Variants in FAAH2 observed in about 807,000 individuals in gnomAD.
FAAH2 encodes fatty acid amide hydrolase 2, also known as fatty-acid amide hydrolase 2.
FAAH2 carries 60 observed loss-of-function variants against 36.9 expected under a neutral mutation model. The observed-to-expected ratio is 1.63, with a 90% CI of 1.32 to 2.02. The LOEUF is 2.02. Among genes scored for constraint, FAAH2 ranks in the 30% most tolerant of loss-of-function variants. FAAH2 has a pLI of 0.00. For missense variants in FAAH2, 689 were observed against 397.5 expected (o/e 1.73, Z -6.23); for synonymous variants, 214 against 143.8 (o/e 1.49, Z -3.49).
At chrX:57,434,552 G>C (rs753795931) in intron 8 of FAAH2, among the ~76,000 whole-genome samples, 1 of 109,259 alleles carries the variant, frequency 9.2e-6, no homozygotes, top group South Asian at 3.9e-4. Flanking sequence ...GCAGAAGGAA[G>C]ACTCTCGAAA....
At chrX:57,137,023 A>C in the FAAH2 span, 8 of 820,383 alleles carry the variant, frequency 9.8e-6, no homozygotes, top group East Asian at 9.8e-5. Flanking sequence ...CCTGTTACCT[A>C]CCTCCCTTGC....
At chrX:57,307,426 A>T (rs1239367538) in intron 2 of FAAH2, among the ~76,000 whole-genome samples, 1 of 110,943 alleles carries the variant, frequency 9.0e-6, no homozygotes, top group Non-Finnish European at 1.9e-5. Context: ...TAAATAGTGG[A>T]GCTGAGATAC....
At chrX:57,435,762 C>A (rs5914106) in intron 8 of FAAH2, among the ~76,000 whole-genome samples, 1 of 109,586 alleles carries the variant, frequency 9.1e-6, no homozygotes. Flanking sequence ...ACTTCAACTG[C>A]GCACTCACAG....
chrX:57,418,585 A>T (rs748507305), intron 7 of FAAH2, among the ~76,000 whole-genome samples: 3 of 110,731 alleles, frequency 2.7e-5, no homozygotes, highest in African/African-American at 9.9e-5. Flanking sequence ...TCCCAATGAG[A>T]TGAGCCGAGT....
intron 5 of FAAH2, among the ~76,000 whole-genome samples, chrX:57,357,204 AAT>A (rs34325943): frequency 0.54 from 59,496 of 109,985 alleles, 14,267 homozygotes; most frequent in Non-Finnish European, 0.74. Context: ...TAAAGACTTA[AAT>A]GTAAGACCTA....
chrX:57,427,086 A>G (rs1366744278), intron 7 of FAAH2, among the ~76,000 whole-genome samples: 2 of 111,446 alleles, frequency 1.8e-5, no homozygotes, highest in Non-Finnish European at 3.8e-5. Context: ...CAAAAATAAG[A>G]TAACTAGAGA....
At chrX:57,260,056 A>G in the FAAH2 span, among the ~76,000 whole-genome samples, 2 of 111,940 alleles carry the variant, frequency 1.8e-5, no homozygotes, top group Non-Finnish European at 3.8e-5. Context: ...TATGTAGTGT[A>G]ATATAACTTC....
chrX:57,316,324 C>T (rs769651687), intron 3 of FAAH2, among the ~76,000 whole-genome samples: 10 of 111,649 alleles, frequency 9.0e-5, no homozygotes, highest in East Asian at 5.6e-4. Context: ...ACAGATTTAA[C>T]GCTATTCCTA....
At chrX:57,263,327 A>C in the FAAH2 span, among the ~76,000 whole-genome samples, 1 of 111,955 alleles carries the variant, frequency 8.9e-6, no homozygotes, top group African/African-American at 3.2e-5. Flanking sequence ...CATTGAAATT[A>C]AAAGTACAAT....
At chrX:57,294,345 G>A (rs139105315) in intron 2 of FAAH2, among the ~76,000 whole-genome samples, 101 of 111,965 alleles carry the variant, frequency 9.0e-4, no homozygotes, top group African/African-American at 3.1e-3. Context: ...AATTATGCTG[G>A]CTTCTAGCTT....
At chrX:57,451,583 A>T (rs771989031) in intron 10 of FAAH2, among the ~76,000 whole-genome samples, 31 of 111,364 alleles carry the variant, frequency 2.8e-4, no homozygotes, top group African/African-American at 9.1e-4. Flanking sequence ...TAATCAGAGG[A>T]AGGATGTTGA....
the FAAH2 span, among the ~76,000 whole-genome samples, chrX:57,250,503 T>C: frequency 9.0e-6 from 1 of 111,303 alleles, no homozygotes; most frequent in Non-Finnish European, 1.9e-5. Context: ...GACAGTAGAT[T>C]GAAAGTGTTC....
intron 2 of FAAH2, among the ~76,000 whole-genome samples, chrX:57,296,534 A>T (rs1442780551): frequency 2.7e-5 from 3 of 111,844 alleles, no homozygotes; most frequent in Non-Finnish European, 3.8e-5. Context: ...GAAACTCTAA[A>T]AATCAGAGCA....
chrX:57,323,064 A>G (rs930687826), intron 3 of FAAH2, among the ~76,000 whole-genome samples: 3 of 110,494 alleles, frequency 2.7e-5, no homozygotes, highest in African/African-American at 9.9e-5. Flanking sequence ...ATTCCCACCT[A>G]TGAGTAAGAA....
At chrX:57,250,775 C>T in the FAAH2 span, among the ~76,000 whole-genome samples, 2 of 103,502 alleles carry the variant, frequency 1.9e-5, no homozygotes, top group Non-Finnish European at 3.8e-5. Flanking sequence ...AAAAAAAAAA[C>T]TAAGAAACAT....
chrX:57,425,794 G>A (rs943160232), intron 7 of FAAH2, among the ~76,000 whole-genome samples: 1 of 110,860 alleles, frequency 9.0e-6, no homozygotes, highest in Admixed American at 9.6e-5. Flanking sequence ...AAGAATATAC[G>A]AAAAAACTAG....
At chrX:57,450,067 T>A (rs1228655131) in intron 10 of FAAH2, among the ~76,000 whole-genome samples, 1 of 111,578 alleles carries the variant, frequency 9.0e-6, no homozygotes, top group Non-Finnish European at 1.9e-5. Flanking sequence ...AATACTTTAG[T>A]CAATAGGCTA....
chrX:57,391,709 C>G (rs1483608615), intron 7 of FAAH2, among the ~76,000 whole-genome samples: 1 of 111,379 alleles, frequency 9.0e-6, no homozygotes, highest in Non-Finnish European at 1.9e-5. Context: ...CATTACCATA[C>G]AGTCTTTGTT....
chrX:57,435,951 G>T (rs1158105751), intron 8 of FAAH2, among the ~76,000 whole-genome samples: 1 of 110,983 alleles, frequency 9.0e-6, no homozygotes, highest in Non-Finnish European at 1.9e-5. Context: ...ACCTTGTATA[G>T]ACCTTGTATT....
Sources: gnomAD v4.1 joint callset for allele counts (sites outside exome capture counted in the v4.1 genomes callset) on GRCh38, gnomAD v4.1.1 for gene constraint, MANE v1.5 for transcripts, NCBI Gene and HGNC (gene_info 2026-07-23, HGNC 2026-07-21) for gene names.